Variants in LRRTM4 observed in about 807,000 individuals in gnomAD.
The protein encoded by LRRTM4 is leucine rich repeat transmembrane neuronal 4, also known as leucine-rich repeat transmembrane neuronal protein 4.
LRRTM4 carries 25 observed loss-of-function variants against 47.6 expected under a neutral mutation model. The observed-to-expected ratio is 0.53, with a 90% CI of 0.38 to 0.73. The LOEUF is 0.73. Among genes scored for constraint, LRRTM4 ranks in the 30% least tolerant of loss-of-function variants. The probability of loss-of-function intolerance (pLI) is 0.00; values close to 1 mark genes in which losing one functional copy is unlikely to be tolerated. For missense variants in LRRTM4, 638 were observed against 713.4 expected, an observed-to-expected ratio of 0.89 and a Z score of 1.20; for synonymous variants, 311 against 269.5, an observed-to-expected ratio of 1.15 and a Z score of -1.51.
chr2:77,033,359 A>G (rs571776858), intron 3 of LRRTM4, among the ~76,000 whole-genome samples: 1 of 151,868 alleles, frequency 6.6e-6, no homozygotes, highest in African/African-American at 2.4e-5. Context: ...TCGAAGTCTA[A>G]CAGCAATGAA....
chr2:77,521,956 G>C (rs1056259101), intron 1 of LRRTM4, 138 bp from the exon 2 acceptor site: 8 of 599,446 alleles, frequency 1.3e-5, no homozygotes, highest in Non-Finnish European at 2.4e-5. Context: ...GGATAGGGAT[G>C]GGGGAGGGCC....
intron 3 of LRRTM4, among the ~76,000 whole-genome samples, chr2:77,154,704 G>A (rs767934718): frequency 1.3e-4 from 20 of 152,024 alleles, no homozygotes; most frequent in Non-Finnish European, 1.6e-4. Context: ...CTTTATTATA[G>A]CCAAAGGAAA....
chr2:76,801,797 A>C (rs1327596818), intron 3 of LRRTM4, among the ~76,000 whole-genome samples: 2 of 152,198 alleles, frequency 1.3e-5, no homozygotes, highest in African/African-American at 4.8e-5. Context: ...ATTTATGCCT[A>C]GGAAGCAATG....
chr2:77,239,935 C>A (rs1359615596), intron 3 of LRRTM4, among the ~76,000 whole-genome samples: 1 of 151,726 alleles, frequency 6.6e-6, no homozygotes, highest in Non-Finnish European at 1.5e-5. Flanking sequence ...ATTAATTATT[C>A]TAATTGATGT....
chr2:76,915,822 C>G (rs1674223433), intron 3 of LRRTM4, among the ~76,000 whole-genome samples: 4 of 151,918 alleles, frequency 2.6e-5, no homozygotes, highest in Admixed American at 2.6e-4. Context: ...TATAAAATAC[C>G]TTTTTAATAT....
chr2:76,932,483 A>C (rs553167814), intron 3 of LRRTM4, among the ~76,000 whole-genome samples: 21 of 152,152 alleles, frequency 1.4e-4, no homozygotes, highest in African/African-American at 5.1e-4. Flanking sequence ...GTAAAGTGAA[A>C]GTTAGGAGTG....
chr2:77,391,047 T>A (rs1039950692), intron 3 of LRRTM4, among the ~76,000 whole-genome samples: 1 of 151,998 alleles, frequency 6.6e-6, no homozygotes, highest in Non-Finnish European at 1.5e-5. Context: ...CATGACCCAC[T>A]TAAAATTTGC....
intron 3 of LRRTM4, among the ~76,000 whole-genome samples, chr2:77,107,241 G>A (rs1339918956): frequency 7.1e-6 from 1 of 140,158 alleles, no homozygotes; most frequent in East Asian, 2.4e-4. Context: ...ACATTAAAAA[G>A]AAAACACATT....
At chr2:76,801,187 C>G (rs190065983) in intron 3 of LRRTM4, among the ~76,000 whole-genome samples, 8 of 152,274 alleles carry the variant, frequency 5.3e-5, no homozygotes, top group East Asian at 1.9e-4. Context: ...GCCTATAAAT[C>G]ATTGCTGCTA....
intron 3 of LRRTM4, among the ~76,000 whole-genome samples, chr2:77,232,344 C>G (rs774453019): frequency 1.6e-4 from 25 of 152,198 alleles, no homozygotes; most frequent in Non-Finnish European, 3.1e-4. Context: ...TTCCTAGGAA[C>G]AGAGTTTGAG....
At chr2:76,804,600 A>G (rs1675866483) in intron 3 of LRRTM4, among the ~76,000 whole-genome samples, 1 of 149,440 alleles carries the variant, frequency 6.7e-6, no homozygotes. Context: ...ACAAGATACT[A>G]TGCATACTAT....
At chr2:76,824,481 A>G (rs1671138345) in intron 3 of LRRTM4, among the ~76,000 whole-genome samples, 1 of 151,586 alleles carries the variant, frequency 6.6e-6, no homozygotes, top group Non-Finnish European at 1.5e-5. Context: ...TATACACTCA[A>G]TTTATTAAAT....
At chr2:76,884,793 A>AG (rs1285344197) in intron 3 of LRRTM4, among the ~76,000 whole-genome samples, 3 of 152,200 alleles carry the variant, frequency 2.0e-5, no homozygotes, top group Admixed American at 2.0e-4. Flanking sequence ...TGTTGTAAAA[A>AG]AAGTAAACAG....
At chr2:76,916,358 C>A (rs1674245290) in intron 3 of LRRTM4, among the ~76,000 whole-genome samples, 1 of 121,372 alleles carries the variant, frequency 8.2e-6, no homozygotes, top group Non-Finnish European at 1.6e-5. Flanking sequence ...GCACTCCAGC[C>A]TGGGCGACAG....
chr2:76,923,672 T>C (rs983918211), intron 3 of LRRTM4, among the ~76,000 whole-genome samples: 5 of 152,106 alleles, frequency 3.3e-5, no homozygotes, highest in African/African-American at 1.2e-4. Context: ...TTATATTTTG[T>C]TTGCCACTTC....
intron 3 of LRRTM4, among the ~76,000 whole-genome samples, chr2:76,938,947 A>G (rs995745959): frequency 5.6e-4 from 85 of 152,040 alleles, no homozygotes; most frequent in African/African-American, 2.0e-3. Flanking sequence ...GGTTTGTGAC[A>G]TTCTCTGATA....
chr2:76,890,708 T>A (rs984068921), intron 3 of LRRTM4, among the ~76,000 whole-genome samples: 1 of 151,726 alleles, frequency 6.6e-6, no homozygotes, highest in African/African-American at 2.4e-5. Context: ...AGTATACATA[T>A]CAACAAAAAA....
chr2:76,878,584 C>T (rs1169173332), intron 3 of LRRTM4, among the ~76,000 whole-genome samples: 1 of 152,034 alleles, frequency 6.6e-6, no homozygotes, highest in Non-Finnish European at 1.5e-5. Flanking sequence ...GTGAAACTTG[C>T]CAGGCGCAGT....
At chr2:77,353,607 C>T (rs1396338424) in intron 3 of LRRTM4, among the ~76,000 whole-genome samples, 1 of 152,106 alleles carries the variant, frequency 6.6e-6, no homozygotes, top group East Asian at 1.9e-4. Context: ...GTTACATAAA[C>T]ATCTATATTT....
Sources: allele counts gnomAD v4.1 joint callset (sites outside exome capture counted in the v4.1 genomes callset), GRCh38; gene constraint gnomAD v4.1.1; transcripts MANE v1.5; gene names NCBI Gene and HGNC (gene_info 2026-07-23, HGNC 2026-07-21).